Variants in ITGB8 observed in about 807,000 individuals in gnomAD.
The protein encoded by ITGB8 is integrin beta-8.
Under a neutral mutation model 89.5 loss-of-function variants are expected in ITGB8, and 30 were observed. The ratio of observed to expected loss-of-function variants is 0.34; its 90% confidence interval spans 0.25 to 0.45. The LOEUF is 0.45. ITGB8 is among the 20% of genes least tolerant of loss of function. ITGB8 has a pLI of 1.00. For synonymous variants in ITGB8, 335 were observed against 320.4 expected, an observed-to-expected ratio of 1.05 and a Z score of -0.49; for missense variants, 836 against 933.3, an observed-to-expected ratio of 0.90 and a Z score of 1.36.
At chr7:20,398,824 A>C (rs1562698032) in intron 8 of ITGB8, 36 bp from the exon 9 acceptor site, 14 of 1,456,920 alleles carry the variant, frequency 9.6e-6, no homozygotes, top group Non-Finnish European at 1.3e-5. Context: ...ATTTGAAACT[A>C]CTCTCGTATG....
intron 1 of ITGB8, among the ~76,000 whole-genome samples, chr7:20,360,506 C>CCCTAA (rs1785459486): frequency 1.3e-5 from 2 of 152,082 alleles, no homozygotes; most frequent in South Asian, 4.2e-4. Flanking sequence ...CTCTCCCAAA[C>CCCTAA]CCTTCTTCTG....
chr7:20,390,959 G>C (rs1208646570), intron 6 of ITGB8, among the ~76,000 whole-genome samples: 2 of 151,940 alleles, frequency 1.3e-5, no homozygotes, highest in Non-Finnish European at 2.9e-5. Context: ...GTGGATGTTT[G>C]AATGTGTATG....
intron 8 of ITGB8, among the ~76,000 whole-genome samples, chr7:20,398,341 G>A (rs1787172624): frequency 1.3e-5 from 2 of 152,098 alleles, no homozygotes; most frequent in African/African-American, 4.8e-5. Context: ...GTGTAGAAAT[G>A]GCCTCCCTAA....
At chr7:20,345,163 T>C (rs1215487468) in intron 1 of ITGB8, among the ~76,000 whole-genome samples, 2 of 152,112 alleles carry the variant, frequency 1.3e-5, no homozygotes, top group African/African-American at 4.8e-5. Flanking sequence ...GGGAGGGAAA[T>C]ATGAACAATA....
intron 10 of ITGB8, among the ~76,000 whole-genome samples, chr7:20,403,803 G>C (rs892037906): frequency 4.6e-5 from 7 of 152,060 alleles, no homozygotes; most frequent in Non-Finnish European, 8.8e-5. Flanking sequence ...GGAGAAAAGA[G>C]GAAGGTTGGT....
chr7:20,391,266 T>G, intron 6 of ITGB8, 137 bp from the exon 7 acceptor site: 1 of 433,498 alleles, frequency 2.3e-6, no homozygotes, highest in South Asian at 7.5e-5. Flanking sequence ...TTTCAAAAAT[T>G]TAAATGTCTT....
rs1787894785 is a variant in ITGB8, at chr7:20,415,377, G to A, written c.*5380G>A. 1 of 151,716 alleles carries A rather than the reference G, an allele frequency of 6.6e-6. No individual in the cohort carries two copies. The allele number at this position is 151,716 out of a possible 1,614,324, so 9.4% of individuals were successfully genotyped here. On this transcript the variant is annotated 3_prime_UTR_variant, in exon 14 of 14. Coordinates refer to ENST00000222573, the MANE Select transcript of ITGB8 (RefSeq NM_002214.3). ...CGTTTGTAAAAATAAATTTAATATA[G>A]AATATATTTTTAAATTAAATATTTG...
chr7:20,399,399 C>T (rs1484216881), intron 9 of ITGB8, among the ~76,000 whole-genome samples: 1 of 152,048 alleles, frequency 6.6e-6, no homozygotes, highest in East Asian at 1.9e-4. Context: ...TTGAAAGTCA[C>T]ATATCACAGA....
At chr7:20,341,243 T>C (rs1784745218) in intron 1 of ITGB8, among the ~76,000 whole-genome samples, 1 of 152,170 alleles carries the variant, frequency 6.6e-6, no homozygotes, top group Non-Finnish European at 1.5e-5. Context: ...GATCATAAAG[T>C]GCAAAATAAA....
chr7:20,355,372 CT>C (rs1785257928), intron 1 of ITGB8, among the ~76,000 whole-genome samples: 1 of 152,186 alleles, frequency 6.6e-6, no homozygotes, highest in Non-Finnish European at 1.5e-5. Flanking sequence ...CTAACAATCT[CT>C]ACTCTAGGGT....
rs998223916 is a variant in ITGB8 at position 20,412,428 on chromosome 7, T to C, written c.*2431T>C. ...AAGTGTAAGATAGCCATTAAGATGA[T>C]GACAATTTTTGAAATGAACATTATG... On this transcript the variant is annotated 3_prime_UTR_variant, in exon 14 of 14. Coordinates refer to ENST00000222573, the MANE Select transcript of ITGB8 (RefSeq NM_002214.3). The C allele has an allele frequency of 3.9e-5, 6 of 152,638 alleles. No homozygotes were observed. The highest frequency in any genetic ancestry group is 8.8e-5 in the Non-Finnish European group (6 of 68,014). The allele number at this position is 152,638 out of a possible 1,614,324, so 9.5% of individuals were successfully genotyped here.
chr7:20,403,130 G>C (rs1583541959), intron 10 of ITGB8, among the ~76,000 whole-genome samples: 1 of 152,178 alleles, frequency 6.6e-6, no homozygotes, highest in African/African-American at 2.4e-5. Context: ...ATGTGCAATG[G>C]AAAATTGTCT....
chr7:20,393,241 C>A lies in ITGB8; in HGVS notation c.1057-1655C>A, dbSNP rs74741837. Among the ~76,000 whole-genome samples the A allele has an allele frequency of 3.8e-4, 58 of 152,270 alleles. 1 individual carries two copies. The East Asian group carries it at 9.1e-3, about 24-fold the overall frequency. ...GCAGCATTATTGGCTCTAGCAGTTT[C>A]TTCCTATTCCTTTAAAAATTTGCCA... On this transcript the variant is annotated intron_variant, in intron 7 of 13. Coordinates refer to ENST00000222573, the MANE Select transcript of ITGB8 (RefSeq NM_002214.3).
chr7:20,335,132 A>G (rs1409841493), intron 1 of ITGB8, among the ~76,000 whole-genome samples: 1 of 152,150 alleles, frequency 6.6e-6, no homozygotes, highest in Non-Finnish European at 1.5e-5. Context: ...TTTTCATATC[A>G]TTTTATTTTA....
Position 20,331,848 on chromosome 7 carries a change from C to G in ITGB8, c.42C>G (p.Val14=), listed in dbSNP as rs1356635027. The G allele has an allele frequency of 1.9e-6, 3 of 1,613,846 alleles. No individual in the cohort carries two copies. The highest frequency in any genetic ancestry group is 2.5e-6 in the Non-Finnish European group (3 of 1,180,038). Residue 14 remains valine (V), a synonymous_variant, in exon 1 of 14, where the codon GTC becomes GTG. Coordinates refer to ENST00000222573, the MANE Select transcript of ITGB8 (RefSeq NM_002214.3). ...TGGCTTTTTTTACCGCTGCATTTGTCTGCCTGCAAAACGACCGGCGAGGTC... is the reference window on the plus strand; with the variant it reads ...TGGCTTTTTTTACCGCTGCATTTGTGTGCCTGCAAAACGACCGGCGAGGTC... The part of the protein sequence containing the change: ...SALAFFTAAF[V]CLQNDRRGPA...
chr7:20,404,355 CA>C (rs1787444964), intron 10 of ITGB8, among the ~76,000 whole-genome samples: 1 of 152,194 alleles, frequency 6.6e-6, no homozygotes, highest in South Asian at 2.1e-4. Context: ...CAATGACATT[CA>C]AGTAGTCTGG....
chr7:20,363,649 G>A lies in ITGB8; in HGVS notation c.140G>A (p.Cys47Tyr), dbSNP rs760099409. 10 of 1,596,444 alleles carry A rather than the reference G, an allele frequency of 6.3e-6. No homozygotes were observed. In the South Asian group the frequency reaches 1.1e-4, roughly 18 times the overall value. ...TCCTTCATTGCAGAAGACAATAGAT[G>A]TGCATCTTCAAATGCAGCATCCTGT... ...LGLGQGEDNR[C>Y]ASSNAASCAR... is the part of the protein sequence containing the mutation. Residue 47 changes from cysteine to tyrosine, a missense_variant, in exon 2 of 14, where the codon TGT (cysteine) becomes TAT (tyrosine). Cys to Tyr is a radical substitution (Grantham distance 194, BLOSUM62 -2). Coordinates refer to ENST00000222573, the MANE Select transcript of ITGB8 (RefSeq NM_002214.3).
At chr7:20,344,688 C>T (rs964050753) in intron 1 of ITGB8, among the ~76,000 whole-genome samples, 1 of 152,120 alleles carries the variant, frequency 6.6e-6, no homozygotes, top group African/African-American at 2.4e-5. Context: ...CAAAGCTTCC[C>T]CAGGGAGACG....
At chr7:20,401,680 T>C (rs771854964) in intron 9 of ITGB8, 41 bp from the exon 10 acceptor site, 6 of 1,186,794 alleles carry the variant, frequency 5.1e-6, no homozygotes, top group Non-Finnish European at 6.9e-6. Flanking sequence ...TAAAAATAAT[T>C]AAGGTATATA....
Sources: allele counts gnomAD v4.1 joint callset (sites outside exome capture counted in the v4.1 genomes callset), GRCh38; gene constraint gnomAD v4.1.1; transcripts MANE v1.5; gene names NCBI Gene and HGNC (gene_info 2026-07-23, HGNC 2026-07-21).